Variants in HAVCR2 observed in about 807,000 individuals in gnomAD.
HAVCR2 encodes T cell immunoglobulin mucin 3.
A neutral mutation model predicts 24.7 loss-of-function variants in HAVCR2; 13 were observed. That is an observed-to-expected ratio of 0.53 (90% CI 0.34 to 0.84). The LOEUF (loss-of-function observed/expected upper bound fraction) is 0.84, where lower values mean the gene tolerates loss of function less well. HAVCR2 is among the 40% of genes least tolerant of loss of function. The probability of loss-of-function intolerance (pLI) is 0.01; values close to 1 mark genes in which losing one functional copy is unlikely to be tolerated. For synonymous variants in HAVCR2, 154 were observed against 143.4 expected (o/e 1.07, Z -0.53); for missense variants, 343 against 371.2 (o/e 0.92, Z 0.62).
intron 1 of HAVCR2, among the ~76,000 whole-genome samples, 185 bp downstream of exon 1, chr5:157,108,741 G>A (rs905290736): frequency 6.6e-6 from 1 of 151,974 alleles, no homozygotes; most frequent in African/African-American, 2.4e-5. Context: ...AGTATGTTTT[G>A]TCAGACTCAC....
At chr5:157,091,971 G>A (rs1349700577) in intron 5 of HAVCR2, among the ~76,000 whole-genome samples, 1 of 152,020 alleles carries the variant, frequency 6.6e-6, no homozygotes, top group Non-Finnish European at 1.5e-5. Context: ...GCAACTTCCA[G>A]GGAAAAGATT....
At chr5:157,094,901 C>T (rs1214872423) in intron 5 of HAVCR2, among the ~76,000 whole-genome samples, 4 of 152,066 alleles carry the variant, frequency 2.6e-5, no homozygotes, top group Admixed American at 6.6e-5. Context: ...TGTTGTGTTT[C>T]GTAACAAACC....
intron 5 of HAVCR2, among the ~76,000 whole-genome samples, chr5:157,091,216 G>A (rs538988428): frequency 1.3e-5 from 2 of 152,150 alleles, no homozygotes; most frequent in South Asian, 2.1e-4. Context: ...AGGCCAAGGC[G>A]GGCAGATCAT....
intron 4 of HAVCR2, among the ~76,000 whole-genome samples, chr5:157,096,945 CA>C (rs1757102673): frequency 2.7e-5 from 4 of 150,192 alleles, no homozygotes; most frequent in African/African-American, 1.0e-4. Flanking sequence ...CACACACACA[CA>C]CACACACACA....
rs1411617385 is a variant in HAVCR2 at position 157,086,091 on chromosome 5, A to G, written c.*1011T>C. ...TATAGCTTCAGTTTGGTCCACGAATACAGAAGTTGGTCAGAGATATTTTCT... is the reference window on the plus strand; with the variant it reads ...TATAGCTTCAGTTTGGTCCACGAATGCAGAAGTTGGTCAGAGATATTTTCT... On this transcript the variant is annotated 3_prime_UTR_variant, in exon 7 of 7. Coordinates refer to ENST00000307851, the MANE Select transcript of HAVCR2 (RefSeq NM_032782.5). 4 of 151,446 alleles carry G rather than the reference A, an allele frequency of 2.6e-5. No homozygotes were observed. The highest frequency in any genetic ancestry group is 9.8e-5 in the African/African-American group (4 of 40,744). 9.4% of individuals were successfully genotyped at this position (151,446 alleles called of 1,614,324 possible).
At chr5:157,105,575 C>T (rs1349165502) in intron 2 of HAVCR2, among the ~76,000 whole-genome samples, 1 of 152,146 alleles carries the variant, frequency 6.6e-6, no homozygotes, top group African/African-American at 2.4e-5. Flanking sequence ...TAATGGCCCA[C>T]ATGATCGGTA....
intron 3 of HAVCR2, among the ~76,000 whole-genome samples, chr5:157,100,747 A>T (rs1371989120): frequency 6.6e-6 from 1 of 151,950 alleles, no homozygotes; most frequent in African/African-American, 2.4e-5. Flanking sequence ...TTATTGAAGA[A>T]AAAAAGATTA....
chr5:157,090,994 C>T (rs1262342489), intron 5 of HAVCR2, among the ~76,000 whole-genome samples: 7 of 152,086 alleles, frequency 4.6e-5, no homozygotes, highest in Admixed American at 4.6e-4. Flanking sequence ...TAGGCGTGCA[C>T]CACCATACCC....
intron 1 of HAVCR2, chr5:157,107,287 G>A: frequency 4.1e-6 from 1 of 245,098 alleles, no homozygotes; most frequent in Non-Finnish European, 7.9e-6. Context: ...CAGAAACACT[G>A]CCCTAGGAGA....
At position 157,106,633 on chromosome 5, in the gene HAVCR2, T is replaced by C. The variant is rs1462397462; in HGVS notation, c.388A>G (p.Lys130Glu). The change falls in exon 2 of 7, where the codon AAA (lysine) becomes GAA (glutamate). Residue 130 changes from lysine (K) to glutamate (E), a missense_variant. Lys to Glu is a moderately conservative substitution (Grantham distance 56). Coordinates refer to ENST00000307851, the MANE Select transcript of HAVCR2 (RefSeq NM_032782.5). ...CATGCAAATGTCCACTCACCTGGTT[T>C]GATGACCAACTTCAGGTTAAATTTT... The part of the protein sequence containing the change: ...DEKFNLKLVI[K>E]PAKVTPAPTR... 1.9e-6 allele frequency: 3 copies of C among 1,613,878 alleles called. No homozygotes were observed. Among genetic ancestry groups the C allele is most frequent in the African/African-American group, 2.7e-5 (2 of 75,064 alleles).
intron 4 of HAVCR2, 150 bp from the exon 5 acceptor site, chr5:157,095,609 A>G (rs548394486): frequency 1.2e-6 from 1 of 829,838 alleles, no homozygotes; most frequent in Non-Finnish European, 1.9e-6. Flanking sequence ...CCTTGTAGCC[A>G]ACACTCAAGC....
intron 4 of HAVCR2, 44 bp from the exon 5 acceptor site, chr5:157,095,503 T>C: frequency 6.2e-7 from 1 of 1,609,712 alleles, no homozygotes; most frequent in Non-Finnish European, 8.5e-7. Context: ...CAGCTAGAAA[T>C]CGCTTGTGTA....
At chr5:157,093,469 C>A (rs575644143) in intron 5 of HAVCR2, among the ~76,000 whole-genome samples, 1 of 152,164 alleles carries the variant, frequency 6.6e-6, no homozygotes, top group East Asian at 1.9e-4. Context: ...CCAGTTTTAG[C>A]CCTAGAAGTC....
chr5:157,085,853 G>A lies in HAVCR2; in HGVS notation c.*1249C>T, dbSNP rs1466016920. The A allele has an allele frequency of 6.6e-6, 1 of 152,192 alleles. No individual in the cohort carries two copies. Among genetic ancestry groups the A allele is most frequent in the East Asian group, 1.9e-4 (1 of 5,196 alleles). 9.4% of individuals were successfully genotyped at this position (152,192 alleles called of 1,614,324 possible). ...AAAAAACAGTAAAAAAAAATTTTTA[G>A]TAAGTTCCAATTGTGTGTCAGAATT... On this transcript the variant is annotated 3_prime_UTR_variant, in exon 7 of 7. Transcript: ENST00000307851.
intron 3 of HAVCR2, among the ~76,000 whole-genome samples, chr5:157,100,842 A>G (rs918646487): frequency 6.6e-6 from 1 of 152,210 alleles, no homozygotes; most frequent in Non-Finnish European, 1.5e-5. Context: ...CACACCTGTA[A>G]TCCCAGCACT....
rs139895019 is a variant in HAVCR2, at chr5:157,098,224, T to C, written c.522+634A>G. The stretch of plus-strand genomic sequence containing the variant: ...GAGTTCAAGATCAGCCTGGCCAATG[T>C]GGTGAAACTCCGTCTCTACTAAAAA... On this transcript the variant is annotated intron_variant, in intron 4 of 6. Coordinates refer to ENST00000307851, the MANE Select transcript of HAVCR2 (RefSeq NM_032782.5). Among the ~76,000 whole-genome samples, 402 of 152,012 alleles carry C rather than the reference T, an allele frequency of 2.6e-3. 12 individuals carry two copies. The East Asian group carries it at 0.055, about 21-fold the overall frequency.
rs943446736 is a variant in HAVCR2 at position 157,086,265 on chromosome 5, G to T, written c.*837C>A. 1 of 152,220 alleles carries T rather than the reference G, an allele frequency of 6.6e-6. No individual in the cohort carries two copies. The highest frequency in any genetic ancestry group is 6.5e-5 in the Admixed American group (1 of 15,268). The allele number at this position is 152,220 out of a possible 1,614,324, so 9.4% of individuals were successfully genotyped here. ...GGCTATGCACTGGCACTGACAGTTG[G>T]GCAGGCAGTGCTCAAATAAGCCTAA... is the stretch of plus-strand genomic sequence containing the variant. On this transcript the variant is annotated 3_prime_UTR_variant, in exon 7 of 7. Coordinates refer to ENST00000307851, the MANE Select transcript of HAVCR2 (RefSeq NM_032782.5).
At chr5:157,099,130 C>T (rs1171729054) in intron 3 of HAVCR2, among the ~76,000 whole-genome samples, 3 of 152,060 alleles carry the variant, frequency 2.0e-5, no homozygotes, top group East Asian at 1.9e-4. Flanking sequence ...GATAATGAAC[C>T]GTACTGTTTT....
intron 6 of HAVCR2, among the ~76,000 whole-genome samples, chr5:157,088,376 G>C (rs1364916247): frequency 1.3e-5 from 2 of 152,182 alleles, no homozygotes; most frequent in African/African-American, 2.4e-5. Context: ...CAGACTAGCA[G>C]TTCTCAGCCC....
Sources: gnomAD v4.1 joint callset for allele counts (sites outside exome capture counted in the v4.1 genomes callset) on GRCh38, gnomAD v4.1.1 for gene constraint, MANE v1.5 for transcripts, NCBI Gene and HGNC (gene_info 2026-07-23, HGNC 2026-07-21) for gene names.